Variants in LIMCH1 observed in about 807,000 individuals in gnomAD.
LIMCH1 encodes LIM and calponin homology domains 1, also known as LIM and calponin homology domains-containing protein 1.
Under a neutral mutation model 176.5 loss-of-function variants are expected in LIMCH1, and 113 were observed. The observed-to-expected ratio is 0.64, with a 90% CI of 0.55 to 0.75. The LOEUF (loss-of-function observed/expected upper bound fraction) is 0.75. LIMCH1 is among the 30% of genes least tolerant of loss of function. The pLI, the probability that LIMCH1 is intolerant of heterozygous loss-of-function variation, is 0.00. For synonymous variants in LIMCH1, 619 were observed against 645.9 expected, an observed-to-expected ratio of 0.96 and a Z score of 0.63; for missense variants, 1,674 against 1,814.9, an observed-to-expected ratio of 0.92 and a Z score of 1.41.
chr4:41,547,552 TTAAC>T, intron 1 of LIMCH1, among the ~76,000 whole-genome samples: 1 of 150,372 alleles, frequency 6.7e-6, no homozygotes, highest in Middle Eastern at 3.5e-3. Flanking sequence ...AAAATGATGA[TTAAC>T]TATAGTATTG....
intron 1 of LIMCH1, among the ~76,000 whole-genome samples, chr4:41,464,658 A>G (rs1315344047): frequency 6.6e-6 from 1 of 151,832 alleles, no homozygotes; most frequent in Non-Finnish European, 1.5e-5. Flanking sequence ...ACAGGCGTGA[A>G]CTACCAGGCC....
At chr4:41,543,387 AGT>A (rs986407731) in intron 1 of LIMCH1, among the ~76,000 whole-genome samples, 5 of 152,230 alleles carry the variant, frequency 3.3e-5, no homozygotes, top group African/African-American at 1.2e-4. Context: ...CTGTGGAGAT[AGT>A]GTTTTTTCCC....
At position 41,697,319 on chromosome 4, in the gene LIMCH1, T is replaced by A; in HGVS notation, c.*134T>A. ...TCTGAAAGGCTCTTCTGAAAGGTGG[T>A]ATCTGTTCTTTCGTAGCACAGTGTT... On this transcript the variant is annotated 3_prime_UTR_variant, in exon 32 of 32. Coordinates refer to ENST00000503057, the MANE Select transcript of LIMCH1 (RefSeq NM_001330672.2). 1 of 774,718 alleles carries A rather than the reference T, an allele frequency of 1.3e-6. No homozygotes were observed. The highest frequency in any genetic ancestry group is 2.2e-6 in the Non-Finnish European group (1 of 454,374). The allele number at this position is 774,718 out of a possible 1,614,324, so 48.0% of individuals were successfully genotyped here.
chr4:41,523,130 G>A (rs1053236037), intron 2 of LIMCH1, among the ~76,000 whole-genome samples: 1 of 152,100 alleles, frequency 6.6e-6, no homozygotes, highest in Admixed American at 6.6e-5. Flanking sequence ...GTCAAAGATA[G>A]TCTAAATTCA....
At chr4:41,446,830 A>G (rs1377224725) in intron 1 of LIMCH1, among the ~76,000 whole-genome samples, 1 of 152,238 alleles carries the variant, frequency 6.6e-6, no homozygotes, top group Non-Finnish European at 1.5e-5. Context: ...ATGAAAGGAA[A>G]AGGAAGAATG....
At chr4:41,683,266 C>T (rs886998025) in intron 26 of LIMCH1, among the ~76,000 whole-genome samples, 1 of 152,256 alleles carries the variant, frequency 6.6e-6, no homozygotes, top group Non-Finnish European at 1.5e-5. Flanking sequence ...TCTCCCCACC[C>T]ATGCTCTACT....
chr4:41,449,822 A>G lies in LIMCH1; in HGVS notation c.97-44714A>G, dbSNP rs527909355. On this transcript the variant is annotated intron_variant, in intron 1 of 26. Coordinates refer to the LIMCH1 transcript ENST00000313860. Reference sequence around the variant, plus strand: ...GAACAACAGGATTTATCATCTCAGCAGTTCTGGAGGCTGGAAGTCCAAAAG... The same window carrying G: ...GAACAACAGGATTTATCATCTCAGCGGTTCTGGAGGCTGGAAGTCCAAAAG... 1.6e-4 allele frequency among the ~76,000 whole-genome samples: 25 copies of G among 152,332 alleles called. No homozygotes were observed. The South Asian group carries it at 4.8e-3, about 29-fold the overall frequency.
Position 41,646,696 on chromosome 4 carries a change from C to A in LIMCH1, c.2623C>A (p.Arg875=). ...TGACCCCAATCCCATGAAATACCTGCGGCAACAGTCACTGCCTCCACCCAA... is the reference window on the plus strand; with the variant it reads ...TGACCCCAATCCCATGAAATACCTGAGGCAACAGTCACTGCCTCCACCCAA... ...LNDPNPMKYL[R]QQSLPPPKFT... is the part of the protein sequence containing the mutation. Residue 875 remains arginine, a synonymous_variant, in exon 17 of 32, where the codon CGG becomes AGG. Coordinates refer to ENST00000503057, the MANE Select transcript of LIMCH1 (RefSeq NM_001330672.2). 1 of 1,614,162 alleles carries A rather than the reference C, an allele frequency of 6.2e-7. No homozygotes were observed. The highest frequency in any genetic ancestry group is 8.5e-7 in the Non-Finnish European group (1 of 1,180,030).
intron 1 of LIMCH1, among the ~76,000 whole-genome samples, chr4:41,468,767 T>G (rs1255850327): frequency 6.6e-6 from 1 of 151,996 alleles, no homozygotes; most frequent in Non-Finnish European, 1.5e-5. Context: ...CCTTTGAGAG[T>G]CTTACTTTCG....
chr4:41,565,358 C>T lies in LIMCH1; in HGVS notation c.-241+27008C>T, dbSNP rs11937854. 8.3e-3 allele frequency among the ~76,000 whole-genome samples: 1,220 copies of T among 146,704 alleles called. 20 individuals are homozygous for T. The highest frequency in any genetic ancestry group is 0.031 in the African/African-American group (1,161 of 37,460). On this transcript the variant is annotated intron_variant, in intron 1 of 31. Transcript: ENST00000503057. ...TAGCTATTTCGGATACACACACACACACACACACACACACACACACACACA... is the reference window on the plus strand; with the variant it reads ...TAGCTATTTCGGATACACACACACATACACACACACACACACACACACACA...
At chr4:41,477,192 CT>C (rs898202408) in intron 1 of LIMCH1, among the ~76,000 whole-genome samples, 28 of 152,276 alleles carry the variant, frequency 1.8e-4, no homozygotes, top group African/African-American at 6.0e-4. Context: ...ACTTTTGTTT[CT>C]TCATCTGGAG....
intron 17 of LIMCH1, 40 bp downstream of exon 17, chr4:41,646,933 C>A (rs779528786): frequency 6.5e-7 from 1 of 1,531,978 alleles, no homozygotes. Flanking sequence ...AAGCTGAACT[C>A]CAGGGAGTGG....
At position 41,644,551 on chromosome 4, in the gene LIMCH1, G is replaced by A. The variant is rs770064261; in HGVS notation, c.2178G>A (p.Pro726=). The change falls in exon 15 of 32, where the codon CCG becomes CCA. Residue 726 remains proline (P), a synonymous_variant. Coordinates refer to ENST00000503057, the MANE Select transcript of LIMCH1 (RefSeq NM_001330672.2). ...GTGAGGAGGAGGCCGCGGTGCAGCC[G>A]CACAGCAGGGCCCGCCAGGAGCAGC... ...MRCEEEAAVQ[P]HSRARQEQLQ... is the part of the protein sequence containing the mutation. 1.2e-6 allele frequency: 2 copies of A among 1,603,990 alleles called. No individual in the cohort carries two copies. Among genetic ancestry groups the A allele is most frequent in the East Asian group, 2.3e-5 (1 of 44,272 alleles).
chr4:41,688,988 C>G (rs1723131514), intron 29 of LIMCH1: 1 of 152,486 alleles, frequency 6.6e-6, no homozygotes, highest in Admixed American at 6.5e-5. Context: ...GATCAGAGAA[C>G]TTGGCGACAG....
chr4:41,411,563 CT>C (rs2059479838), intron 1 of LIMCH1, among the ~76,000 whole-genome samples: 2 of 152,098 alleles, frequency 1.3e-5, no homozygotes, highest in Non-Finnish European at 2.9e-5. Context: ...CCAAACCTGA[CT>C]TTTTCCTCTC....
At chr4:41,650,995 C>CTATTTTATTTTATTTTATTTTATTT (rs751238492) in intron 18 of LIMCH1, among the ~76,000 whole-genome samples, 7,979 of 150,826 alleles carry the variant, frequency 0.053, 327 homozygotes, top group Admixed American at 0.13. Context: ...TCAGATTTCC[C>CTATTTTATTTTATTTTATTTTATTT]TATTTTATTT....
chr4:41,619,564 G>A lies in LIMCH1; in HGVS notation c.458+124G>A. On this transcript the variant is annotated intron_variant, in intron 6 of 31. Coordinates refer to ENST00000503057, the MANE Select transcript of LIMCH1 (RefSeq NM_001330672.2). Reference sequence around the variant, plus strand: ...ACTTTGATGGAAGATTACAGATGGAGGTGGGTGGGACAGATCTTTGGAGAG... The same window carrying A: ...ACTTTGATGGAAGATTACAGATGGAAGTGGGTGGGACAGATCTTTGGAGAG... 6 of 1,271,272 alleles carry A rather than the reference G, an allele frequency of 4.7e-6. No homozygotes were observed. The South Asian group carries it at 8.5e-5, about 18-fold the overall frequency. 78.7% of individuals were successfully genotyped at this position (1,271,272 alleles called of 1,614,324 possible). A position where few individuals can be genotyped will look rare whatever the true frequency, so the allele number is the denominator to read the frequency against.
At chr4:41,491,813 C>T (rs2071086172) in intron 1 of LIMCH1, among the ~76,000 whole-genome samples, 1 of 148,602 alleles carries the variant, frequency 6.7e-6, no homozygotes, top group African/African-American at 2.5e-5. Flanking sequence ...GACGGGGCGG[C>T]CAGGCAGAAG....
At position 41,606,034 on chromosome 4, in the gene LIMCH1, A is replaced by G. The variant is rs1296816395; in HGVS notation, c.9+30A>G. ...CTTGGCTTTTCTTCTTTATCCCATAAGCGTTAGACAAGGTGGGAAAGCTAC... is the reference window on the plus strand; with the variant it reads ...CTTGGCTTTTCTTCTTTATCCCATAGGCGTTAGACAAGGTGGGAAAGCTAC... On this transcript the variant is annotated intron_variant, in intron 4 of 31. Coordinates refer to ENST00000503057, the MANE Select transcript of LIMCH1 (RefSeq NM_001330672.2). 8 of 1,458,460 alleles carry G rather than the reference A, an allele frequency of 5.5e-6. No homozygotes were observed. The African/African-American group carries it at 7.0e-5, about 13-fold the overall frequency. The allele number at this position is 1,458,460 out of a possible 1,614,324, so 90.3% of individuals were successfully genotyped here.
Sources: allele counts gnomAD v4.1 joint callset (sites outside exome capture counted in the v4.1 genomes callset), GRCh38; gene constraint gnomAD v4.1.1; transcripts MANE v1.5; gene names NCBI Gene and HGNC (gene_info 2026-07-23, HGNC 2026-07-21).